Variants in PC observed in about 807,000 individuals in gnomAD.
PC encodes pyruvate carboxylase, mitochondrial.
PC carries 46 observed loss-of-function variants against 107.8 expected under a neutral mutation model. The observed-to-expected ratio is 0.43, with a 90% confidence interval of 0.34 to 0.55. The LOEUF (loss-of-function observed/expected upper bound fraction) is 0.55, where lower values mean the gene tolerates loss of function less well. Ranked by LOEUF, PC falls within the 20% of genes least tolerant of loss-of-function variation. The pLI, the probability that PC is intolerant of heterozygous loss-of-function variation, is 0.04. For missense variants in PC, 1,241 were observed against 1,643.1 expected, an observed-to-expected ratio of 0.76 and a Z score of 4.23; for synonymous variants, 662 against 684.7, an observed-to-expected ratio of 0.97 and a Z score of 0.52.
intron 3 of PC, among the ~76,000 whole-genome samples, chr11:66,920,567 C>T (rs548486679): frequency 6.6e-6 from 1 of 152,240 alleles, no homozygotes; most frequent in South Asian, 2.1e-4. Context: ...AGAGAGCCAA[C>T]CCTATAAGCA....
chr11:66,934,981 G>A (rs1421026494), intron 3 of PC, among the ~76,000 whole-genome samples: 2 of 152,110 alleles, frequency 1.3e-5, no homozygotes, highest in Non-Finnish European at 2.9e-5. Context: ...ACTCTTCCAC[G>A]CTAGCCAGTC....
chr11:66,941,958 C>G (rs957160269), intron 3 of PC, among the ~76,000 whole-genome samples: 1 of 151,710 alleles, frequency 6.6e-6, no homozygotes, highest in African/African-American at 2.4e-5. Flanking sequence ...TAAAATTAGC[C>G]GGGTGTGGTG....
At position 66,850,497 on chromosome 11, in the gene PC, GA is replaced by G. The variant is rs979753116; in HGVS notation, c.2474-34del. On this transcript the variant is annotated intron_variant, in intron 18 of 22. Coordinates refer to ENST00000393960, the MANE Select transcript of PC (RefSeq NM_001040716.2). ...GAGGCCAGAGTCAGAGGAGGCCTTAGAAATGTGTGACTCTTCCAGGACCCAG... is the reference window on the plus strand; with the variant it reads ...GAGGCCAGAGTCAGAGGAGGCCTTAGAATGTGTGACTCTTCCAGGACCCAG... 5 of 1,613,360 alleles carry G rather than the reference GA, an allele frequency of 3.1e-6. No homozygotes were observed. In the African/African-American group the frequency reaches 4.0e-5, roughly 13 times the overall value.
At chr11:66,887,192 G>A (rs573682508) in intron 3 of PC, among the ~76,000 whole-genome samples, 10 of 152,278 alleles carry the variant, frequency 6.6e-5, no homozygotes, top group African/African-American at 2.4e-4. Flanking sequence ...ATCTCCCAGC[G>A]AGAGGACCAG....
intron 19 of PC, 45 bp from the exon 20 acceptor site, chr11:66,850,161 A>C (rs1386019789): frequency 4.3e-6 from 7 of 1,613,732 alleles, no homozygotes; most frequent in East Asian, 2.2e-5. Flanking sequence ...CACCTCAAGG[A>C]GGCCAGTGGC....
chr11:66,952,728 G>A (rs1283801243), intron 2 of PC, among the ~76,000 whole-genome samples: 1 of 151,944 alleles, frequency 6.6e-6, no homozygotes, highest in Non-Finnish European at 1.5e-5. Context: ...TTTTAGTAGA[G>A]ATGGGGGTTT....
At chr11:66,883,090 G>A (rs948925861) in intron 3 of PC, among the ~76,000 whole-genome samples, 4 of 152,202 alleles carry the variant, frequency 2.6e-5, no homozygotes, top group South Asian at 2.1e-4. Context: ...GTGGCACTGC[G>A]GCGACGAACA....
intron 3 of PC, among the ~76,000 whole-genome samples, chr11:66,931,116 C>T (rs1351529736): frequency 6.6e-6 from 1 of 152,084 alleles, no homozygotes; most frequent in Non-Finnish European, 1.5e-5. Flanking sequence ...TGGTGGCTTA[C>T]ATCTGTCATC....
Position 66,870,718 on chromosome 11 carries a change from C to T in PC, c.751+57G>A, listed in dbSNP as rs1003352049. 7.8e-5 allele frequency: 117 copies of T among 1,497,576 alleles called. No individual in the cohort carries two copies. Among genetic ancestry groups the T allele is most frequent in the Non-Finnish European group, 1.0e-4 (111 of 1,082,652 alleles). 92.8% of individuals were successfully genotyped at this position (1,497,576 alleles called of 1,614,324 possible). A position where few individuals can be genotyped will look rare whatever the true frequency, so the allele number is the denominator to read the frequency against. On this transcript the variant is annotated intron_variant, in intron 8 of 22. Coordinates refer to ENST00000393960, the MANE Select transcript of PC (RefSeq NM_001040716.2). This position sits in a 1 kb window ranked among gnomAD's most constrained non-coding sequence, Gnocchi z 6.1. ...GCCAGCCACTGTGACGGCACCAGGA[C>T]TGGGCCTCTCAGCTCCCGCCTCCAG...
chr11:66,904,514 T>A (rs1276932069), intron 3 of PC, among the ~76,000 whole-genome samples: 2 of 152,238 alleles, frequency 1.3e-5, no homozygotes, highest in Non-Finnish European at 2.9e-5. Flanking sequence ...GGCATGCGCC[T>A]GTAGTCCCAG....
At chr11:66,956,031 C>T (rs1020215867) in intron 1 of PC, among the ~76,000 whole-genome samples, 2 of 152,050 alleles carry the variant, frequency 1.3e-5, no homozygotes, top group African/African-American at 4.8e-5. Context: ...CCTCGGCCTC[C>T]CAAAGTGCTG....
At chr11:66,862,658 G>C (rs563882549) in intron 12 of PC, among the ~76,000 whole-genome samples, 1 of 152,364 alleles carries the variant, frequency 6.6e-6, no homozygotes, top group South Asian at 2.1e-4. Context: ...GCTCCCACGG[G>C]ACACGTGCTG....
intron 12 of PC, among the ~76,000 whole-genome samples, chr11:66,856,163 T>A (rs1355111964): frequency 6.6e-6 from 1 of 152,196 alleles, no homozygotes; most frequent in African/African-American, 2.4e-5. Context: ...CGGGAGCCCT[T>A]TCTCTGAGAG....
At chr11:66,912,301 G>A (rs549706501) in intron 3 of PC, among the ~76,000 whole-genome samples, 547 of 152,316 alleles carry the variant, frequency 3.6e-3, no homozygotes, top group Non-Finnish European at 6.2e-3. Context: ...TATTGTTATG[G>A]AAATCCTTTT....
chr11:66,873,011 G>A (rs1172415329), intron 3 of PC, among the ~76,000 whole-genome samples: 1 of 149,812 alleles, frequency 6.7e-6, no homozygotes, highest in East Asian at 2.0e-4. Context: ...CCCTCAGCCT[G>A]GGTGACATCA....
intron 3 of PC, among the ~76,000 whole-genome samples, chr11:66,880,109 G>T (rs535633997): frequency 1.3e-5 from 2 of 152,316 alleles, no homozygotes; most frequent in East Asian, 3.9e-4. Context: ...CAGGGCGCCT[G>T]CACCCTTCCT....
At chr11:66,856,669 T>C (rs1945855481) in intron 12 of PC, 2 of 152,312 alleles carry the variant, frequency 1.3e-5, no homozygotes, top group South Asian at 2.1e-4. Context: ...TGTGTGGGCA[T>C]GTGTGGGTGT....
chr11:66,862,597 G>T (rs1591167108), intron 12 of PC, among the ~76,000 whole-genome samples: 2 of 152,230 alleles, frequency 1.3e-5, no homozygotes, highest in East Asian at 3.9e-4. Context: ...TCCCACAGGG[G>T]CTGAGGGCCA....
At chr11:66,913,711 C>T (rs763126833) in intron 3 of PC, among the ~76,000 whole-genome samples, 9 of 151,702 alleles carry the variant, frequency 5.9e-5, no homozygotes, top group Non-Finnish European at 1.2e-4. Context: ...AGCCATCTCC[C>T]GGAACTGGGC....
Sources: allele counts gnomAD v4.1 joint callset (sites outside exome capture counted in the v4.1 genomes callset), GRCh38; gene constraint gnomAD v4.1.1; non-coding constraint Gnocchi (gnomAD v3.1); transcripts MANE v1.5; gene names NCBI Gene and HGNC (gene_info 2026-07-23, HGNC 2026-07-21).